The following DMWD variants were observed in gnomAD, a reference collection of about 807,000 sequenced individuals.
DMWD encodes DM1 locus, WD repeat containing.
In DMWD, 19 loss-of-function variants were observed where a neutral mutation model predicts 45.8. The observed-to-expected ratio is 0.41, with a 90% CI of 0.29 to 0.61. DMWD has a LOEUF of 0.61. DMWD is among the 20% of genes least tolerant of loss of function. DMWD has a pLI of 0.25. For missense variants in DMWD, 802 were observed against 965.2 expected (o/e 0.83, Z 2.24); for synonymous variants, 515 against 440.5 (o/e 1.17, Z -2.12).
intron 2 of DMWD, chr19:45,789,589 G>T (rs564351844): frequency 2.0e-5 from 3 of 152,246 alleles, no homozygotes; most frequent in Non-Finnish European, 2.9e-5. Flanking sequence ...TGGTGCAGCA[G>T]GGCTTTGAAT....
chr19:45,791,351 C>A (rs540812622), intron 1 of DMWD, among the ~76,000 whole-genome samples: 1 of 152,200 alleles, frequency 6.6e-6, no homozygotes, highest in South Asian at 2.1e-4. Flanking sequence ...TTCAGAGACA[C>A]CCTTGTCCAC....
rs771899730 is a variant in DMWD, at chr19:45,791,107, G to C, written c.442-20C>G. The C allele has an allele frequency of 1.3e-6, 2 of 1,596,174 alleles. No individual in the cohort carries two copies. Among genetic ancestry groups the C allele is most frequent in the South Asian group, 2.2e-5 (2 of 89,056 alleles). ...AATGGACTTGAGGGGTGGGAGAAAA[G>C]GAGTTAATGGTGTATGCCACTGAGG... On this transcript the variant is annotated intron_variant, in intron 1 of 4. Coordinates refer to ENST00000270223, the MANE Select transcript of DMWD (RefSeq NM_004943.2).
chr19:45,786,988 C>A, intron 2 of DMWD, 117 bp from the exon 3 acceptor site: 1 of 1,478,478 alleles, frequency 6.8e-7, no homozygotes. Flanking sequence ...ACAGCAGGTG[C>A]CACACCAGGC....
rs756284542 is a variant in DMWD at position 45,786,442 on chromosome 19, C to T, written c.1054G>A (p.Val352Met). Residue 352 changes from valine (V) to methionine (M), a missense_variant, in exon 3 of 5, where the codon GTG (valine) becomes ATG (methionine). Transcript: ENST00000270223. ...ACGCGGCCCTCGGTGAAGGACCACA[C>T]GGTGACCAGGTCATCTTCGCCACCC... ...VTGGEDDLVT[V>M]WSFTEGRVVA... 3 of 1,613,244 alleles carry T rather than the reference C, an allele frequency of 1.9e-6. No individual in the cohort carries two copies. Among genetic ancestry groups the T allele is most frequent in the South Asian group, 1.1e-5 (1 of 91,048 alleles).
chr19:45,784,614 G>A, intron 4 of DMWD, 27 bp downstream of exon 4: 3 of 1,613,938 alleles, frequency 1.9e-6, no homozygotes, highest in South Asian at 1.1e-5. Flanking sequence ...CTGAGGTGCT[G>A]GGGAAAGAAC....
chr19:45,788,709 G>A (rs1970315756), intron 2 of DMWD, among the ~76,000 whole-genome samples: 1 of 152,142 alleles, frequency 6.6e-6, no homozygotes, highest in Admixed American at 6.6e-5. Context: ...CAGGAGAATA[G>A]CTTGAGCCCA....
Position 45,786,287 on chromosome 19 carries a change from C to T in DMWD, c.1209G>A (p.Glu403=), listed in dbSNP as rs1433922933. 1 of 1,605,126 alleles carries T rather than the reference C, an allele frequency of 6.2e-7. No homozygotes were observed. The highest frequency in any genetic ancestry group is 1.3e-5 in the African/African-American group (1 of 74,902). The change falls in exon 3 of 5, where the codon GAG becomes GAA. Residue 403 remains glutamate, a synonymous_variant. Transcript: ENST00000270223. ...AGCCTGTGCCCGCAGCCTCGGGCTC[C>T]TCCTCCTCCTCTTCGCCGCTCCGCT... ...DGERSGEEEE[E]EPEAAGTGSA...
chr19:45,791,237 A>T, intron 1 of DMWD, 150 bp from the exon 2 acceptor site: 1 of 756,626 alleles, frequency 1.3e-6, no homozygotes, highest in Non-Finnish European at 2.1e-6. Context: ...AGGACGGGGC[A>T]ACCACAGACG....
At position 45,785,784 on chromosome 19, in the gene DMWD, C is replaced by T. The variant is rs2146271366; in HGVS notation, c.1712G>A (p.Ser571Asn). ...GEKPSGPVPR[S>N]RLDPAKVLGT... ...CAGCACCTTGGCGGGGTCCAGGCGGCTGCGGGGAACAGGGCCGCTGGGCTT... is the reference window on the plus strand; with the variant it reads ...CAGCACCTTGGCGGGGTCCAGGCGGTTGCGGGGAACAGGGCCGCTGGGCTT... The change falls in exon 3 of 5, where the codon AGC (serine) becomes AAC (asparagine). Residue 571 changes from serine (S) to asparagine (N), a missense_variant. Ser to Asn is a conservative substitution (Grantham distance 46, BLOSUM62 1). Transcript: ENST00000270223. The T allele has an allele frequency of 6.2e-7, 1 of 1,611,670 alleles. No individual in the cohort carries two copies. The highest frequency in any genetic ancestry group is 1.1e-5 in the South Asian group (1 of 90,900).
rs777358576 is a variant in DMWD at position 45,786,572 on chromosome 19, C to T, written c.924G>A (p.Leu308=). 1.7e-5 allele frequency: 27 copies of T among 1,613,886 alleles called. 1 individual carries two copies. The African/African-American group carries it at 2.9e-4, about 18-fold the overall frequency. ...HLACVSQDGC[L]RVFHFDSMLL... ...GCATGGAGTCGAAGTGGAAGACGCG[C>T]AGGCAGCCATCCTGGCTCACACAGG... The change falls in exon 3 of 5, where the codon CTG becomes CTA. Residue 308 remains leucine (L), a synonymous_variant. Transcript: ENST00000270223.
rs535276335 is a variant in DMWD, at chr19:45,783,713, G to A, written c.*530C>T. 1.9e-5 allele frequency: 8 copies of A among 430,532 alleles called. No homozygotes were observed. Among genetic ancestry groups the A allele is most frequent in the South Asian group, 7.5e-5 (1 of 13,344 alleles). The allele number at this position is 430,532 out of a possible 1,614,324, so 26.7% of individuals were successfully genotyped here. On this transcript the variant is annotated 3_prime_UTR_variant, in exon 5 of 5. Coordinates refer to ENST00000270223, the MANE Select transcript of DMWD (RefSeq NM_004943.2). ...ACAGGTCCTCTACATCATCTCCTCC[G>A]AAGGGGACAGACCCGCTGAGAAAAC...
In DMWD at chr19:45,783,405, GCTGGGCAGGGCCTGGGAAACGTGGTC is replaced by G. The variant is rs980089543; in HGVS notation, c.*812_*837del. 7.6e-6 allele frequency: 3 copies of G among 395,198 alleles called. No homozygotes were observed. The highest frequency in any genetic ancestry group is 4.1e-5 in the African/African-American group (2 of 48,540). The allele number at this position is 395,198 out of a possible 1,614,324, so 24.5% of individuals were successfully genotyped here. On this transcript the variant is annotated 3_prime_UTR_variant, in exon 5 of 5. Coordinates refer to ENST00000270223, the MANE Select transcript of DMWD (RefSeq NM_004943.2). ...AGGAGGCAAGGACCGAGGAGTCCCA[GCTGGGCAGGGCCTGGGAAACGTGGTC>G]CTGGGCAGTTCTGATAATTTAAAAA...
At chr19:45,790,790 T>C in intron 2 of DMWD, 115 bp downstream of exon 2, 1 of 1,213,836 alleles carries the variant, frequency 8.2e-7, no homozygotes, top group Non-Finnish European at 1.1e-6. Context: ...TCTCCATCTC[T>C]CCCTGGTCCT....
Position 45,784,621 on chromosome 19 carries a change from G to C in DMWD, c.1977+20C>G. 1 of 1,614,016 alleles carries C rather than the reference G, an allele frequency of 6.2e-7. No homozygotes were observed. ...GAGGGACCCTGAGGTGCTGGGGAAA[G>C]AACTCAGGGACAGTCCTACCTCTAC... On this transcript the variant is annotated intron_variant, in intron 4 of 4. Coordinates refer to ENST00000270223, the MANE Select transcript of DMWD (RefSeq NM_004943.2).
chr19:45,784,689 C>T lies in DMWD; in HGVS notation c.1929G>A (p.Gln643=). 1 of 1,613,762 alleles carries T rather than the reference C, an allele frequency of 6.2e-7. No homozygotes were observed. The highest frequency in any genetic ancestry group is 8.5e-7 in the Non-Finnish European group (1 of 1,179,736). Residue 643 remains glutamine (Q), a synonymous_variant, in exon 4 of 5, where the codon CAG becomes CAA. Coordinates refer to ENST00000270223, the MANE Select transcript of DMWD (RefSeq NM_004943.2). ...ACCTGGGCCAACTTCCTTCCCCTGT[C>T]TGGGCCTCGGTCTCCTCGTCTGTGA... The part of the protein sequence containing the change: ...KAFTDEETEA[Q]TGEGSWPRSP...
chr19:45,783,916 G>C lies in DMWD; in HGVS notation c.*327C>G. 4 of 536,494 alleles carry C rather than the reference G, an allele frequency of 7.5e-6. No individual in the cohort carries two copies. Among genetic ancestry groups the C allele is most frequent in the Non-Finnish European group, 1.3e-5 (4 of 307,222 alleles). 33.2% of individuals were successfully genotyped at this position (536,494 alleles called of 1,614,324 possible). On this transcript the variant is annotated 3_prime_UTR_variant, in exon 5 of 5. Coordinates refer to ENST00000270223, the MANE Select transcript of DMWD (RefSeq NM_004943.2). ...AACTGAGGGGCACACTGCAGACCTG[G>C]GGCTCTTGTGGCAGGGGCGGGGAGT...
In DMWD at chr19:45,783,825, A is replaced by T. The variant is rs1970220758; in HGVS notation, c.*418T>A. On this transcript the variant is annotated 3_prime_UTR_variant, in exon 5 of 5. Coordinates refer to ENST00000270223, the MANE Select transcript of DMWD (RefSeq NM_004943.2). ...AATTTAACACTCTTCAAAAGCACAG[A>T]CAATAGCAAGGGCAGCTGGGGTGGG... is the stretch of plus-strand genomic sequence containing the variant. 1 of 469,038 alleles carries T rather than the reference A, an allele frequency of 2.1e-6. No individual in the cohort carries two copies. The highest frequency in any genetic ancestry group is 3.7e-6 in the Non-Finnish European group (1 of 269,776). 29.1% of individuals were successfully genotyped at this position (469,038 alleles called of 1,614,324 possible). A position where few individuals can be genotyped will look rare whatever the true frequency, so the allele number is the denominator to read the frequency against.
At position 45,783,672 on chromosome 19, in the gene DMWD, A is replaced by G. The variant is rs566165002; in HGVS notation, c.*571T>C. On this transcript the variant is annotated 3_prime_UTR_variant, in exon 5 of 5. Coordinates refer to ENST00000270223, the MANE Select transcript of DMWD (RefSeq NM_004943.2). ...CTCTGGGGAAAGCGGACTGCCTAGA[A>G]CCACAGAGTACACACACAGGTCCTC... The G allele has an allele frequency of 3.9e-5, 16 of 406,156 alleles. No homozygotes were observed. The highest frequency in any genetic ancestry group is 3.1e-4 in the African/African-American group (15 of 48,764). The allele number at this position is 406,156 out of a possible 1,614,324, so 25.2% of individuals were successfully genotyped here.
chr19:45,786,045 C>A lies in DMWD; in HGVS notation c.1451G>T (p.Gly484Val). The change falls in exon 3 of 5, where the codon GGC (glycine) becomes GTC (valine). Residue 484 changes from glycine to valine, a missense_variant. Physicochemically the swap from Gly to Val is moderately radical, Grantham distance 109. Coordinates refer to ENST00000270223, the MANE Select transcript of DMWD (RefSeq NM_004943.2). ...GCGGGACAGCGAGCGAGGCAGGGGGCCTGGGCCAGGCTCGCCACCCCTCGA... is the reference window on the plus strand; with the variant it reads ...GCGGGACAGCGAGCGAGGCAGGGGGACTGGGCCAGGCTCGCCACCCCTCGA... The part of the protein sequence containing the change: ...SSSRGGEPGP[G>V]PLPRSLSRSN... 2 of 1,532,934 alleles carry A rather than the reference C, an allele frequency of 1.3e-6. No individual in the cohort carries two copies. The highest frequency in any genetic ancestry group is 1.3e-5 in the South Asian group (1 of 79,770). The allele number at this position is 1,532,934 out of a possible 1,614,324, so 95.0% of individuals were successfully genotyped here.
Sources: allele counts gnomAD v4.1 joint callset (sites outside exome capture counted in the v4.1 genomes callset), GRCh38; gene constraint gnomAD v4.1.1; transcripts MANE v1.5; gene names NCBI Gene and HGNC (gene_info 2026-07-23, HGNC 2026-07-21).